The following QTRT2 variants were observed in gnomAD, a reference collection of about 807,000 sequenced individuals.
QTRT2 encodes the protein queuine tRNA-ribosyltransferase domain containing 1.
In QTRT2, 32 loss-of-function variants were observed where a neutral mutation model predicts 44.8. The ratio of observed to expected loss-of-function variants is 0.71; its 90% CI spans 0.54 to 0.96. The LOEUF is 0.96. Among genes scored for constraint, QTRT2 ranks in the 40% least tolerant of loss-of-function variants. The probability of loss-of-function intolerance (pLI) is 0.00; values close to 1 mark genes in which losing one functional copy is unlikely to be tolerated. For synonymous variants in QTRT2, 182 were observed against 187.4 expected, an observed-to-expected ratio of 0.97 and a Z score of 0.24; for missense variants, 461 against 503.1, an observed-to-expected ratio of 0.92 and a Z score of 0.80.
chr3:114,066,392 A>G lies in QTRT2; in HGVS notation c.256+109A>G, dbSNP rs7638536. On this transcript the variant is annotated intron_variant, in intron 4 of 9. Coordinates refer to ENST00000281273, the MANE Select transcript of QTRT2 (RefSeq NM_024638.4). ...ATATGTTTGTTTATTCATAAATTTA[A>G]TAAGTATTATTTGAACATCTAAGAG... The G allele has an allele frequency of 5.8e-3, 3,912 of 675,350 alleles. 82 individuals are homozygous for G. The African/African-American group carries it at 0.06, about 10-fold the overall frequency. The allele number at this position is 675,350 out of a possible 1,614,324, so 41.8% of individuals were successfully genotyped here.
At chr3:114,060,496 G>GATAGATAGA (rs2076867112) in intron 2 of QTRT2, among the ~76,000 whole-genome samples, 1 of 144,450 alleles carries the variant, frequency 6.9e-6, no homozygotes. Flanking sequence ...AGGTAGGTAG[G>GATAGATAGA]TAGATAGATA....
At position 114,085,782 on chromosome 3, in the gene QTRT2, G is replaced by A. The variant is rs535717568; in HGVS notation, c.1126G>A (p.Gly376Arg). Residue 376 changes from glycine (G) to arginine (R), a missense_variant, in exon 10 of 10, where the codon GGA becomes AGA. Transcript: ENST00000281273. ...GCTGGTGACCAATGAGCTGCTGGCCGGAGTCCTGCTTATGATGCACAACTT... is the reference window on the plus strand; with the variant it reads ...GCTGGTGACCAATGAGCTGCTGGCCAGAGTCCTGCTTATGATGCACAACTT... ...HLLVTNELLA[G>R]VLLMMHNFEH... 71 of 1,614,166 alleles carry A rather than the reference G, an allele frequency of 4.4e-5. No individual in the cohort carries two copies. The African/African-American group carries it at 6.0e-4, about 14-fold the overall frequency.
chr3:114,069,053 CAAA>C (rs57266627), intron 5 of QTRT2, among the ~76,000 whole-genome samples: 1 of 118,450 alleles, frequency 8.4e-6, no homozygotes, highest in African/African-American at 3.0e-5. Flanking sequence ...GACTCTGTCT[CAAA>C]AAAAAAAAAA....
At position 114,057,082 on chromosome 3, in the gene QTRT2, C is replaced by G; in HGVS notation, c.-46C>G. The G allele has an allele frequency of 7.3e-7, 1 of 1,370,532 alleles. No homozygotes were observed. The highest frequency in any genetic ancestry group is 9.4e-7 in the Non-Finnish European group (1 of 1,065,318). 84.9% of individuals were successfully genotyped at this position (1,370,532 alleles called of 1,614,324 possible). A position where few individuals can be genotyped will look rare whatever the true frequency, so the allele number is the denominator to read the frequency against. On this transcript the variant is annotated 5_prime_UTR_variant, in exon 2 of 10. Coordinates refer to ENST00000281273, the MANE Select transcript of QTRT2 (RefSeq NM_024638.4). Reference sequence around the variant, plus strand: ...CCGACACCTCTGAGATAAAAGGGCCCCTTTCGACTAGCCTCTGCTGAAAGG... The same window carrying G: ...CCGACACCTCTGAGATAAAAGGGCCGCTTTCGACTAGCCTCTGCTGAAAGG...
chr3:114,066,729 C>G (rs571710989), intron 4 of QTRT2, among the ~76,000 whole-genome samples: 37 of 152,202 alleles, frequency 2.4e-4, no homozygotes, highest in African/African-American at 8.7e-4. Context: ...GTAAAAGTTA[C>G]CCAGGTTAGG....
At chr3:114,061,467 T>C (rs2076885610) in intron 2 of QTRT2, among the ~76,000 whole-genome samples, 1 of 152,218 alleles carries the variant, frequency 6.6e-6, no homozygotes, top group Non-Finnish European at 1.5e-5. Context: ...TGTAAGGCAC[T>C]GGAGGGAGCA....
intron 7 of QTRT2, chr3:114,077,506 T>C (rs2077106650): frequency 6.6e-6 from 1 of 152,608 alleles, no homozygotes; most frequent in Non-Finnish European, 1.5e-5. Flanking sequence ...GAAAAGACGA[T>C]CTGCAAGATT....
At chr3:114,063,564 T>C (rs1396663446) in intron 2 of QTRT2, among the ~76,000 whole-genome samples, 2 of 152,082 alleles carry the variant, frequency 1.3e-5, no homozygotes, top group African/African-American at 2.4e-5. Flanking sequence ...ATGACACTTA[T>C]TTGTATGTTT....
intron 6 of QTRT2, 120 bp downstream of exon 6, chr3:114,070,958 A>C: frequency 1.4e-6 from 1 of 703,988 alleles, no homozygotes; most frequent in Non-Finnish European, 2.3e-6. Flanking sequence ...TGTCTATTTT[A>C]CTCTCTATTT....
intron 2 of QTRT2, among the ~76,000 whole-genome samples, chr3:114,061,761 A>G (rs1294112091): frequency 1.3e-5 from 2 of 151,784 alleles, no homozygotes; most frequent in African/African-American, 4.8e-5. Context: ...TATTTTTTGT[A>G]GAGACAGGGT....
At position 114,086,148 on chromosome 3, in the gene QTRT2, C is replaced by A. The variant is rs1017368409; in HGVS notation, c.*244C>A. ...GACCTTTAAGACTTCTAGACTAATT[C>A]TTTTAGTTGATAGAGATTCATTTAG... On this transcript the variant is annotated 3_prime_UTR_variant, in exon 10 of 10. Coordinates refer to ENST00000281273, the MANE Select transcript of QTRT2 (RefSeq NM_024638.4). 8 of 448,444 alleles carry A rather than the reference C, an allele frequency of 1.8e-5. No individual in the cohort carries two copies. The highest frequency in any genetic ancestry group is 6.7e-5 in the South Asian group (3 of 44,514). 27.8% of individuals were successfully genotyped at this position (448,444 alleles called of 1,614,324 possible).
At chr3:114,073,310 A>G (rs539579674) in intron 6 of QTRT2, among the ~76,000 whole-genome samples, 14 of 152,274 alleles carry the variant, frequency 9.2e-5, no homozygotes, top group African/African-American at 3.1e-4. Context: ...CAAGTCCCTC[A>G]TCTGTGTTGT....
At chr3:114,071,362 T>C (rs948253863) in intron 6 of QTRT2, among the ~76,000 whole-genome samples, 1 of 152,126 alleles carries the variant, frequency 6.6e-6, no homozygotes, top group Non-Finnish European at 1.5e-5. Flanking sequence ...GCAGTGGTGC[T>C]ATCTCAGCTC....
intron 9 of QTRT2, 83 bp from the exon 10 acceptor site, chr3:114,085,590 C>G (rs1414715730): frequency 4.3e-6 from 5 of 1,163,614 alleles, no homozygotes; most frequent in Non-Finnish European, 6.5e-6. Context: ...CCACTGGTAA[C>G]TTTACCAGCA....
At chr3:114,066,761 G>T (rs1577519053) in intron 4 of QTRT2, among the ~76,000 whole-genome samples, 2 of 152,200 alleles carry the variant, frequency 1.3e-5, no homozygotes, top group Admixed American at 1.3e-4. Flanking sequence ...AGACAGGTGT[G>T]GGGCAGATGC....
rs1323141935 is a variant in QTRT2, at chr3:114,076,725, T to C, written c.547-18T>C. On this transcript the variant is annotated intron_variant, in intron 6 of 9. Transcript: ENST00000281273. The stretch of plus-strand genomic sequence containing the variant: ...CATACTGAAAATGGTTAAAAACATA[T>C]CATCCTTCTTACCTCAGGTTCTTCA... The C allele has an allele frequency of 8.7e-6, 14 of 1,612,042 alleles. No individual in the cohort carries two copies. Among genetic ancestry groups the C allele is most frequent in the Non-Finnish European group, 1.2e-5 (14 of 1,178,246 alleles).
chr3:114,080,791 G>T (rs573474186), intron 8 of QTRT2, among the ~76,000 whole-genome samples: 1 of 152,126 alleles, frequency 6.6e-6, no homozygotes, highest in African/African-American at 2.4e-5. Context: ...CCTTACATTT[G>T]AATAGGACCA....
At position 114,068,084 on chromosome 3, in the gene QTRT2, C is replaced by T. The variant is rs759926354; in HGVS notation, c.333+21C>T. On this transcript the variant is annotated intron_variant, in intron 5 of 9. Coordinates refer to ENST00000281273, the MANE Select transcript of QTRT2 (RefSeq NM_024638.4). ...ACAAGGTGTGTTTTCAGAAGGGTCTCCAAGGCTGCAGCTTTGTCCCAGGAA... is the reference window on the plus strand; with the variant it reads ...ACAAGGTGTGTTTTCAGAAGGGTCTTCAAGGCTGCAGCTTTGTCCCAGGAA... 3.2e-5 allele frequency: 51 copies of T among 1,606,114 alleles called. No individual in the cohort carries two copies. The Middle Eastern group carries it at 9.9e-4, about 31-fold the overall frequency.
rs959796178 is a variant in QTRT2, at chr3:114,079,897, CT to C, written c.747-5del. ...CCTCATGTCACTGTTCTTATTCTTA[CT>C]TTTACAGGCTCATATCTGGTGTTAG... On this transcript the variant is annotated splice_polypyrimidine_tract_variant and splice_region_variant and intron_variant, in intron 7 of 9. Transcript: ENST00000281273. 1.2e-6 allele frequency: 2 copies of C among 1,611,986 alleles called. No individual in the cohort carries two copies. Among genetic ancestry groups the C allele is most frequent in the Admixed American group, 1.7e-5 (1 of 59,940 alleles).
Sources: gnomAD v4.1 joint callset for allele counts (sites outside exome capture counted in the v4.1 genomes callset) on GRCh38, gnomAD v4.1.1 for gene constraint, MANE v1.5 for transcripts, NCBI Gene and HGNC (gene_info 2026-07-23, HGNC 2026-07-21) for gene names.